Variants in ADGRA2 observed in about 807,000 individuals in gnomAD.
ADGRA2 encodes the protein adhesion G protein-coupled receptor A2.
ADGRA2 carries 61 observed loss-of-function variants against 98.7 expected under a neutral mutation model. That is an observed-to-expected ratio of 0.62 (90% CI 0.50 to 0.76). The LOEUF (loss-of-function observed/expected upper bound fraction) is 0.76, where lower values mean the gene tolerates loss of function less well. Ranked by LOEUF, ADGRA2 falls within the 30% of genes least tolerant of loss-of-function variation. ADGRA2 has a pLI of 0.00. For synonymous variants in ADGRA2, 858 were observed against 831.5 expected (o/e 1.03, Z -0.55); for missense variants, 1,712 against 1,860.0 (o/e 0.92, Z 1.46).
intron 1 of ADGRA2, among the ~76,000 whole-genome samples, chr8:37,800,494 C>T (rs1804470284): frequency 6.6e-6 from 1 of 152,194 alleles, no homozygotes; most frequent in African/African-American, 2.4e-5. Flanking sequence ...GTATTAAGAC[C>T]ATTGCCTTTA....
intron 4 of ADGRA2, 68 bp downstream of exon 4, chr8:37,829,400 C>G: frequency 6.5e-7 from 1 of 1,540,008 alleles, no homozygotes; most frequent in Non-Finnish European, 9.0e-7. Context: ...AAAATGTGGC[C>G]CCCAACCCTT....
rs1156292071 is a variant in ADGRA2, at chr8:37,830,554, AGAGACTTTCTCTT to A, written c.719-153_719-141del. Reference sequence around the variant, plus strand: ...GTCCCTCCCCTTTACCCTTACCCCTAGAGACTTTCTCTTGACCCCTTTTCCTTCCCAGCTGGAG... The same window carrying A: ...GTCCCTCCCCTTTACCCTTACCCCTAGACCCCTTTTCCTTCCCAGCTGGAG... On this transcript the variant is annotated intron_variant, in intron 6 of 18. Transcript: ENST00000412232. This position sits in a 1 kb window ranked among gnomAD's most constrained non-coding sequence, Gnocchi z 4.8. Among the ~76,000 whole-genome samples, 1 of 152,100 alleles carries A rather than the reference AGAGACTTTCTCTT, an allele frequency of 6.6e-6. No homozygotes were observed. The highest frequency in any genetic ancestry group is 1.5e-5 in the Non-Finnish European group (1 of 68,010).
chr8:37,815,987 G>A (rs7823120), intron 2 of ADGRA2, among the ~76,000 whole-genome samples: 225 of 152,254 alleles, frequency 1.5e-3, no homozygotes, highest in African/African-American at 5.2e-3. Flanking sequence ...CGACAGGGAG[G>A]GCCCTTGGCC....
rs147055217 is a variant in ADGRA2 at position 37,838,988 on chromosome 8, C to T, written c.2292C>T (p.Gly764=). 2.2e-5 allele frequency: 35 copies of T among 1,575,390 alleles called. No homozygotes were observed. Among genetic ancestry groups the T allele is most frequent in the Admixed American group, 3.7e-5 (2 of 54,608 alleles). ...GCGCCTTTCCCAGGGAGGTGGGGGG[C>T]GCCGGGGCAGGGCTGCACCCCGTGG... The part of the protein sequence containing the change: ...ELSAFPREVG[G]AGAGLHPVVY... Residue 764 remains glycine, a synonymous_variant, in exon 15 of 19, where the codon GGC becomes GGT. Coordinates refer to ENST00000412232, the MANE Select transcript of ADGRA2 (RefSeq NM_032777.10).
Position 37,842,276 on chromosome 8 carries a change from A to G in ADGRA2, c.3938A>G (p.Asp1313Gly). Residue 1313 changes from aspartate (D) to glycine (G), a missense_variant, in exon 19 of 19, where the codon GAC becomes GGC. By Grantham distance (94) the Asp-to-Gly change is moderately conservative. Transcript: ENST00000412232. ...NGAPKGGKYD[D>G]VTLMGAEVAS... ...GCCCCCAAGGGGGGCAAGTACGACG[A>G]CGTCACCCTGATGGGCGCGGAGGTA... 6.3e-7 allele frequency: 1 copy of G among 1,577,940 alleles called. No individual in the cohort carries two copies. The highest frequency in any genetic ancestry group is 1.4e-5 in the African/African-American group (1 of 73,382).
Position 37,802,161 on chromosome 8 carries a change from T to C in ADGRA2, c.266+4627T>C, listed in dbSNP as rs1166641661. Among the ~76,000 whole-genome samples the C allele has an allele frequency of 6.6e-6, 1 of 152,098 alleles. No individual in the cohort carries two copies. The highest frequency in any genetic ancestry group is 6.5e-5 in the Admixed American group (1 of 15,276). ...CAGGGAAGTGGTTCTTGAGCACAGG[T>C]CTCCCTCTGGACCTCCAGCTGCTGG... On this transcript the variant is annotated intron_variant, in intron 1 of 18. Coordinates refer to ENST00000412232, the MANE Select transcript of ADGRA2 (RefSeq NM_032777.10). The surrounding 1 kb of genome is among the most constrained non-coding windows in gnomAD (Gnocchi z 4.7).
rs1329257521 is a variant in ADGRA2 at position 37,828,880 on chromosome 8, C to T, written c.339-8C>T. Reference sequence around the variant, plus strand: ...GAGGTGTGAGGGCCTCTGCACTTGCCTCTGCAGGGACCTGAGGAACAACAT... The same window carrying T: ...GAGGTGTGAGGGCCTCTGCACTTGCTTCTGCAGGGACCTGAGGAACAACAT... On this transcript the variant is annotated splice_polypyrimidine_tract_variant and splice_region_variant and intron_variant, in intron 2 of 18. Transcript: ENST00000412232. The T allele has an allele frequency of 6.9e-6, 11 of 1,597,782 alleles. No individual in the cohort carries two copies. Among genetic ancestry groups the T allele is most frequent in the Non-Finnish European group, 9.4e-6 (11 of 1,173,176 alleles).
Position 37,834,957 on chromosome 8 carries a change from G to A in ADGRA2, c.1609-217G>A, listed in dbSNP as rs985602161. ...GGAGGATTACTTGAGCCCAGGATTT[G>A]TAGGCTGCAGTGAGCTGGTTGTGAT... On this transcript the variant is annotated intron_variant, in intron 11 of 18. Coordinates refer to ENST00000412232, the MANE Select transcript of ADGRA2 (RefSeq NM_032777.10). The surrounding 1 kb of genome is among the most constrained non-coding windows in gnomAD (Gnocchi z 4.2). 6.6e-6 allele frequency among the ~76,000 whole-genome samples: 1 copy of A among 151,892 alleles called. No individual in the cohort carries two copies. The highest frequency in any genetic ancestry group is 2.4e-5 in the African/African-American group (1 of 41,362).
At chr8:37,800,072 A>G (rs1358701642) in intron 1 of ADGRA2, among the ~76,000 whole-genome samples, 1 of 152,226 alleles carries the variant, frequency 6.6e-6, no homozygotes, top group Non-Finnish European at 1.5e-5. Context: ...AGCAGGAGAA[A>G]GTCTGTGTAG....
Position 37,834,186 on chromosome 8 carries a change from C to G in ADGRA2, c.1608+58C>G. 3.4e-6 allele frequency: 5 copies of G among 1,468,424 alleles called. No homozygotes were observed. Among genetic ancestry groups the G allele is most frequent in the Non-Finnish European group, 4.6e-6 (5 of 1,079,138 alleles). The allele number at this position is 1,468,424 out of a possible 1,614,324, so 91.0% of individuals were successfully genotyped here. A position where few individuals can be genotyped will look rare whatever the true frequency, so the allele number is the denominator to read the frequency against. ...CATGCAGAGGAGGGAGGCGCTCCCT[C>G]TCAGGCGTGCACCTGCCGTGCCCCA... On this transcript the variant is annotated intron_variant, in intron 11 of 18. Coordinates refer to ENST00000412232, the MANE Select transcript of ADGRA2 (RefSeq NM_032777.10). This position sits in a 1 kb window ranked among gnomAD's most constrained non-coding sequence, Gnocchi z 4.2.
At chr8:37,807,781 G>A (rs903044795) in intron 1 of ADGRA2, among the ~76,000 whole-genome samples, 4 of 152,176 alleles carry the variant, frequency 2.6e-5, no homozygotes, top group African/African-American at 4.8e-5. Flanking sequence ...GGCCTGAACC[G>A]ATGGAGGCTC....
intron 14 of ADGRA2, among the ~76,000 whole-genome samples, chr8:37,838,690 C>T (rs1805692374): frequency 1.5e-5 from 1 of 67,168 alleles, no homozygotes; most frequent in Admixed American, 1.5e-4. Context: ...GCACCTGCTC[C>T]CTTTCTCCTC....
Position 37,835,410 on chromosome 8 carries a change from G to A in ADGRA2, c.1833+12G>A, listed in dbSNP as rs1169144981. 1.2e-6 allele frequency: 2 copies of A among 1,601,582 alleles called. No homozygotes were observed. Among genetic ancestry groups the A allele is most frequent in the East Asian group, 4.5e-5 (2 of 44,742 alleles). ...CCTTCCACATCAAGGTGGGCGCTGGGGGAGGGAGAGGGGGTGGGAGAAGGG... is the reference window on the plus strand; with the variant it reads ...CCTTCCACATCAAGGTGGGCGCTGGAGGAGGGAGAGGGGGTGGGAGAAGGG... On this transcript the variant is annotated intron_variant, in intron 12 of 18. Coordinates refer to ENST00000412232, the MANE Select transcript of ADGRA2 (RefSeq NM_032777.10).
chr8:37,840,959 C>G, intron 18 of ADGRA2, 110 bp downstream of exon 18: 1 of 1,174,040 alleles, frequency 8.5e-7, no homozygotes, highest in South Asian at 1.3e-5. Flanking sequence ...CAACCCAAGC[C>G]CATGCATGCT....
chr8:37,802,401 G>A lies in ADGRA2; in HGVS notation c.266+4867G>A, dbSNP rs1471365223. Among the ~76,000 whole-genome samples, 6 of 152,202 alleles carry A rather than the reference G, an allele frequency of 3.9e-5. No individual in the cohort carries two copies. The highest frequency in any genetic ancestry group is 1.4e-4 in the African/African-American group (6 of 41,438). ...CTGGGCGCAGAGACAGCAGCCAGAG[G>A]AAGTGGCTGTGTACAGAGAGCTTTT... On this transcript the variant is annotated intron_variant, in intron 1 of 18. Coordinates refer to ENST00000412232, the MANE Select transcript of ADGRA2 (RefSeq NM_032777.10). This position sits in a 1 kb window ranked among gnomAD's most constrained non-coding sequence, Gnocchi z 4.7.
chr8:37,825,634 A>T (rs888678335), intron 2 of ADGRA2, among the ~76,000 whole-genome samples: 1 of 152,114 alleles, frequency 6.6e-6, no homozygotes, highest in African/African-American at 2.4e-5. Flanking sequence ...GCAGAAGTTC[A>T]TGGCCTTCGT....
chr8:37,798,036 C>T (rs1176152565), intron 1 of ADGRA2, among the ~76,000 whole-genome samples: 7 of 152,320 alleles, frequency 4.6e-5, no homozygotes, highest in African/African-American at 1.2e-4. Flanking sequence ...CCCATCCTTG[C>T]CCCCTGGCCT....
chr8:37,826,724 C>T (rs974677736), intron 2 of ADGRA2, among the ~76,000 whole-genome samples: 1 of 152,200 alleles, frequency 6.6e-6, no homozygotes, highest in Non-Finnish European at 1.5e-5. Flanking sequence ...CCCATTTCCT[C>T]TCCTCCCAGC....
rs770196512 is a variant in ADGRA2, at chr8:37,833,823, G to A, written c.1432G>A (p.Asp478Asn). 6.2e-6 allele frequency: 10 copies of A among 1,613,998 alleles called. No homozygotes were observed. The highest frequency in any genetic ancestry group is 5.3e-5 in the African/African-American group (4 of 74,928). The change falls in exon 10 of 19, where the codon GAC becomes AAC. Residue 478 changes from aspartate (D) to asparagine (N), a missense_variant. Asp to Asn is a conservative substitution (Grantham distance 23). Coordinates refer to ENST00000412232, the MANE Select transcript of ADGRA2 (RefSeq NM_032777.10). Reference sequence around the variant, plus strand: ...GATCCAGAAATTTTTGGGTTATGTCGACCAGATCAAAGAGGTGAGACTCAG... The same window carrying A: ...GATCCAGAAATTTTTGGGTTATGTCAACCAGATCAAAGAGGTGAGACTCAG... ...QMIQKFLGYV[D>N]QIKELVEVMV...
Sources: allele counts gnomAD v4.1 joint callset (sites outside exome capture counted in the v4.1 genomes callset), GRCh38; gene constraint gnomAD v4.1.1; non-coding constraint Gnocchi (gnomAD v3.1); transcripts MANE v1.5; gene names NCBI Gene and HGNC (gene_info 2026-07-23, HGNC 2026-07-21).